IFT74: variants seen among roughly 807,000 people sequenced by gnomAD.
IFT74 encodes intraflagellar transport 74, also known as intraflagellar transport protein 74 homolog.
IFT74 carries 92 observed loss-of-function variants against 96.7 expected under a neutral mutation model. The observed-to-expected ratio is 0.95, with a 90% CI of 0.80 to 1.13. The LOEUF is 1.13. Among genes scored for constraint, IFT74 ranks in the 50% most tolerant of loss-of-function variants. The pLI is 0.00. For missense variants in IFT74, 811 were observed against 698.2 expected, an observed-to-expected ratio of 1.16 and a Z score of -1.82; for synonymous variants, 223 against 213.2, an observed-to-expected ratio of 1.05 and a Z score of -0.40.
chr9:27,018,314 C>T (rs1230550777), intron 11 of IFT74, among the ~76,000 whole-genome samples: 2 of 152,130 alleles, frequency 1.3e-5, no homozygotes, highest in Non-Finnish European at 2.9e-5. Context: ...TCTAGCAACC[C>T]TACCTTGTGG....
At chr9:27,058,034 A>G (rs993507701) in intron 18 of IFT74, among the ~76,000 whole-genome samples, 1 of 152,146 alleles carries the variant, frequency 6.6e-6, no homozygotes, top group African/African-American at 2.4e-5. Context: ...GTTTTTACAA[A>G]AAATAAAACC....
intron 8 of IFT74, 48 bp downstream of exon 8, chr9:26,990,243 G>C (rs781053016): frequency 1.0e-6 from 1 of 962,008 alleles, no homozygotes; most frequent in Non-Finnish European, 1.5e-6. Context: ...AGCTTTATTA[G>C]GTAGTTTAAG....
chr9:26,972,925 A>G (rs188154317), intron 2 of IFT74, among the ~76,000 whole-genome samples: 1 of 152,316 alleles, frequency 6.6e-6, no homozygotes, highest in East Asian at 1.9e-4. Flanking sequence ...TTCACCAGAT[A>G]TGAGAATATC....
chr9:26,968,749 G>A (rs1826747925), intron 2 of IFT74, among the ~76,000 whole-genome samples: 1 of 152,028 alleles, frequency 6.6e-6, no homozygotes, highest in Admixed American at 6.6e-5. Context: ...TCTGTTATCA[G>A]TTGTAGTATC....
chr9:27,042,276 G>A (rs535188629), intron 13 of IFT74, among the ~76,000 whole-genome samples: 9 of 152,172 alleles, frequency 5.9e-5, no homozygotes, highest in East Asian at 3.9e-4. Context: ...TGGATATAGC[G>A]TTAGAAGTTC....
chr9:27,038,380 A>C (rs1819301942), intron 13 of IFT74, among the ~76,000 whole-genome samples: 1 of 152,166 alleles, frequency 6.6e-6, no homozygotes, highest in Non-Finnish European at 1.5e-5. Flanking sequence ...CTCACGCCTC[A>C]GCCTCCTGAG....
In IFT74 at chr9:26,984,255, A is replaced by T; in HGVS notation, c.306-2A>T. The T allele has an allele frequency of 6.4e-7, 1 of 1,555,874 alleles. No individual in the cohort carries two copies. The highest frequency in any genetic ancestry group is 8.7e-7 in the Non-Finnish European group (1 of 1,150,634). On this transcript the variant is annotated splice_acceptor_variant, in intron 4 of 19. Transcript: ENST00000380062. LOFTEE classifies it high-confidence loss of function. ...CTGACATTCTTATTTCTTTTCTAAT[A>T]GAAGTAAAATAAGTGAACTTACAAC...
intron 13 of IFT74, among the ~76,000 whole-genome samples, chr9:27,041,004 C>A (rs1021373486): frequency 6.6e-6 from 1 of 152,122 alleles, no homozygotes; most frequent in Non-Finnish European, 1.5e-5. Context: ...GCATATCTCC[C>A]TTACTGCACT....
intron 12 of IFT74, among the ~76,000 whole-genome samples, chr9:27,018,888 T>C: frequency 6.6e-6 from 1 of 152,328 alleles, no homozygotes. Context: ...AATAGACATA[T>C]TTAATGTAAA....
At chr9:27,049,912 T>TA in intron 16 of IFT74, among the ~76,000 whole-genome samples, 1 of 152,204 alleles carries the variant, frequency 6.6e-6, no homozygotes, top group South Asian at 2.1e-4. Flanking sequence ...GTTGACAAAG[T>TA]AAAAAGAGAC....
chr9:26,965,468 C>A (rs954358879), intron 2 of IFT74, among the ~76,000 whole-genome samples: 2 of 151,902 alleles, frequency 1.3e-5, no homozygotes, highest in African/African-American at 2.4e-5. Flanking sequence ...ATTAGGACAT[C>A]GTCATCAACT....
intron 18 of IFT74, among the ~76,000 whole-genome samples, chr9:27,058,106 TCAAA>T (rs1201108271): frequency 1.3e-5 from 2 of 151,864 alleles, no homozygotes; most frequent in African/African-American, 2.4e-5. Flanking sequence ...TTTTTTTTTT[TCAAA>T]CAGAGTCTCA....
intron 2 of IFT74, among the ~76,000 whole-genome samples, chr9:26,973,926 A>G (rs998465282): frequency 6.6e-6 from 1 of 152,222 alleles, no homozygotes; most frequent in Non-Finnish European, 1.5e-5. Context: ...CTTGAAAGTC[A>G]TGAGTGGAAG....
At chr9:26,961,083 GTTTT>G (rs1349288699) in intron 1 of IFT74, among the ~76,000 whole-genome samples, 4 of 118,494 alleles carry the variant, frequency 3.4e-5, no homozygotes, top group Non-Finnish European at 3.6e-5. Flanking sequence ...AGTGAATCTT[GTTTT>G]TTTTTTTTTT....
intron 8 of IFT74, 109 bp from the exon 9 acceptor site, chr9:27,008,911 G>A (rs1828917788): frequency 1.2e-6 from 1 of 828,946 alleles, no homozygotes; most frequent in South Asian, 2.2e-5. Context: ...ACACACTGTG[G>A]TTGAATGTCT....
At chr9:27,044,900 G>A in intron 14 of IFT74, 105 bp downstream of exon 14, 1 of 596,298 alleles carries the variant, frequency 1.7e-6, no homozygotes, top group Non-Finnish European at 2.9e-6. Flanking sequence ...GCTAATAAAT[G>A]CAGAAGTGTG....
chr9:26,970,835 G>A lies in IFT74; in HGVS notation c.121-7293G>A, dbSNP rs138734115. Among the ~76,000 whole-genome samples the A allele has an allele frequency of 7.8e-3, 1,191 of 152,298 alleles. 11 individuals are homozygous for A. Among genetic ancestry groups the A allele is most frequent in the African/African-American group, 0.027 (1,104 of 41,564 alleles). ...TAAACTGACATCTTTTCAAGGGGTG[G>A]TTGTGATTCTTAACAAGGCAATGGG... On this transcript the variant is annotated intron_variant, in intron 2 of 19. Transcript: ENST00000380062.
chr9:27,007,540 ACTT>A (rs1303409991), intron 8 of IFT74, among the ~76,000 whole-genome samples: 4 of 152,210 alleles, frequency 2.6e-5, no homozygotes, highest in Admixed American at 1.3e-4. Flanking sequence ...TGAAGATACC[ACTT>A]CTTCTCCAAC....
chr9:26,961,257 A>AT (rs367832121), intron 1 of IFT74, among the ~76,000 whole-genome samples: 9,524 of 151,526 alleles, frequency 0.063, 348 homozygotes, highest in Middle Eastern at 0.16. Context: ...CGCCCAGCTA[A>AT]TTTTTTGTAT....
Sources: gnomAD v4.1 joint callset for allele counts (sites outside exome capture counted in the v4.1 genomes callset) on GRCh38, gnomAD v4.1.1 for gene constraint, MANE v1.5 for transcripts, NCBI Gene and HGNC (gene_info 2026-07-23, HGNC 2026-07-21) for gene names.